PIGB: variants seen among roughly 807,000 people sequenced by gnomAD.
The protein encoded by PIGB is phosphatidylinositol glycan anchor biosynthesis class B.
In PIGB, 58 loss-of-function variants were observed where a neutral mutation model predicts 68.4. The observed-to-expected ratio is 0.85, with a 90% CI of 0.69 to 1.06. The LOEUF (loss-of-function observed/expected upper bound fraction) is 1.06, where lower values mean the gene tolerates loss of function less well. PIGB is among the 50% of genes least tolerant of loss of function. The probability of loss-of-function intolerance (pLI) is 0.00; values close to 1 mark genes in which losing one functional copy is unlikely to be tolerated. For missense variants in PIGB, 634 were observed against 655.8 expected, an observed-to-expected ratio of 0.97 and a Z score of 0.36; for synonymous variants, 219 against 220.5, an observed-to-expected ratio of 0.99 and a Z score of 0.06.
In PIGB at chr15:55,354,963, C is replaced by T; in HGVS notation, c.1503C>T (p.Phe501=). Reference sequence around the variant, plus strand: ...CATTGCCTACTCACTTGATCACCTTCAGCATTTTGGAAGAGGTAAGTAAAC... The same window carrying T: ...CATTGCCTACTCACTTGATCACCTTTAGCATTTTGGAAGAGGTAAGTAAAC... ...DASLPTHLIT[F]SILEEEISAF... is the part of the protein sequence containing the mutation. The change falls in exon 11 of 12, where the codon TTC becomes TTT. Residue 501 remains phenylalanine, a synonymous_variant. Coordinates refer to ENST00000164305, the MANE Select transcript of PIGB (RefSeq NM_004855.5). The T allele has an allele frequency of 3.7e-6, 6 of 1,611,170 alleles. No individual in the cohort carries two copies. The highest frequency in any genetic ancestry group is 5.1e-6 in the Non-Finnish European group (6 of 1,178,656).
rs966940527 is a variant in PIGB, at chr15:55,321,646, C to CTTT, written c.417+278_417+280dup. 9.4e-3 allele frequency among the ~76,000 whole-genome samples: 640 copies of CTTT among 68,182 alleles called. 1 individual carries two copies. The highest frequency in any genetic ancestry group is 0.011 in the African/African-American group (183 of 16,050). 44.7% of individuals were successfully genotyped at this position (68,182 alleles called of 152,430 possible). ...TTGGACATTAGAAGTATACTTCTTT[C>CTTT]TTTTTTTTTTTTTTTTTTTTTTTTG... On this transcript the variant is annotated intron_variant, in intron 3 of 11. Coordinates refer to ENST00000164305, the MANE Select transcript of PIGB (RefSeq NM_004855.5).
At chr15:55,347,915 T>C (rs1263750566) in intron 9 of PIGB, among the ~76,000 whole-genome samples, 6 of 151,972 alleles carry the variant, frequency 3.9e-5, no homozygotes, top group East Asian at 1.9e-4. Context: ...ATTTTCACAG[T>C]CTTGATCACC....
chr15:55,340,508 A>G, intron 7 of PIGB, 104 bp from the exon 8 acceptor site: 1 of 660,256 alleles, frequency 1.5e-6, no homozygotes, highest in South Asian at 2.3e-5. Flanking sequence ...TGGTTTTTAG[A>G]CTTCAATTCT....
chr15:55,322,422 CT>C (rs1306642469), intron 3 of PIGB, among the ~76,000 whole-genome samples: 1 of 152,060 alleles, frequency 6.6e-6, no homozygotes, highest in Non-Finnish European at 1.5e-5. Context: ...CTATTAATTG[CT>C]GGGGTCAGTT....
chr15:55,339,637 G>A (rs1427532334), intron 7 of PIGB, among the ~76,000 whole-genome samples: 3 of 152,146 alleles, frequency 2.0e-5, no homozygotes, highest in Non-Finnish European at 2.9e-5. Context: ...ATCTTCACAG[G>A]TAATATGTCA....
chr15:55,329,180 G>A (rs1335356746), intron 4 of PIGB, among the ~76,000 whole-genome samples: 1 of 151,100 alleles, frequency 6.6e-6, no homozygotes, highest in Non-Finnish European at 1.5e-5. Flanking sequence ...CATTAATTTA[G>A]TCAATCTCCA....
intron 9 of PIGB, chr15:55,343,713 T>C (rs1454064794): frequency 6.6e-6 from 1 of 152,180 alleles, no homozygotes; most frequent in East Asian, 1.9e-4. Context: ...TCACCCCTTC[T>C]TCCATCCTCT....
At chr15:55,335,035 G>C (rs533813032) in intron 6 of PIGB, among the ~76,000 whole-genome samples, 11 of 152,156 alleles carry the variant, frequency 7.2e-5, no homozygotes, top group South Asian at 4.1e-4. Context: ...GCTATAGTTA[G>C]ATACACAGAT....
At chr15:55,341,878 G>A in intron 9 of PIGB, 76 bp downstream of exon 9, 1 of 560,422 alleles carries the variant, frequency 1.8e-6, no homozygotes, top group East Asian at 3.5e-5. Context: ...ATTAAACTAT[G>A]TCTATTTTCA....
chr15:55,331,995 C>T (rs555677968), intron 5 of PIGB, among the ~76,000 whole-genome samples: 87 of 148,300 alleles, frequency 5.9e-4, no homozygotes, highest in African/African-American at 2.0e-3. Context: ...TTTTTTTTTT[C>T]GAGACAGTGT....
At chr15:55,337,678 G>A (rs1379778094) in intron 6 of PIGB, among the ~76,000 whole-genome samples, 1 of 152,008 alleles carries the variant, frequency 6.6e-6, no homozygotes, top group Non-Finnish European at 1.5e-5. Flanking sequence ...TCCAATCCTA[G>A]GTATATGTCT....
At chr15:55,344,276 A>T (rs2055739893) in intron 9 of PIGB, among the ~76,000 whole-genome samples, 1 of 152,226 alleles carries the variant, frequency 6.6e-6, no homozygotes. Context: ...CTGGGCTCTC[A>T]TGTCTGGGGT....
At chr15:55,347,913 A>G (rs2055832235) in intron 9 of PIGB, among the ~76,000 whole-genome samples, 1 of 151,212 alleles carries the variant, frequency 6.6e-6, no homozygotes, top group African/African-American at 2.4e-5. Context: ...CTATTTTCAC[A>G]GTCTTGATCA....
intron 10 of PIGB, among the ~76,000 whole-genome samples, chr15:55,354,323 C>T (rs1357695086): frequency 6.6e-6 from 1 of 151,050 alleles, no homozygotes; most frequent in Non-Finnish European, 1.5e-5. Context: ...AAAAAAAAAA[C>T]TTGCCATATA....
chr15:55,321,879 C>T (rs1356049290), intron 3 of PIGB, among the ~76,000 whole-genome samples: 1 of 146,488 alleles, frequency 6.8e-6, no homozygotes, highest in African/African-American at 2.5e-5. Flanking sequence ...CTCGAACTCC[C>T]GACCTGAGGT....
At position 55,340,736 on chromosome 15, in the gene PIGB, T is replaced by C. The variant is rs73415566; in HGVS notation, c.971T>C (p.Leu324Ser). ...QGFPVILGTHLPFFIHGCYLA... is the reference protein window; with the variant it reads ...QGFPVILGTHSPFFIHGCYLA... The stretch of plus-strand genomic sequence containing the variant: ...TTTCCAGTTATCTTGGGTACTCACT[T>C]ACCCTTCTTTATTCATGGCTGCTAT... Residue 324 changes from leucine to serine, a missense_variant, in exon 8 of 12, where the codon TTA becomes TCA. Transcript: ENST00000164305. 1,047 of 1,611,094 alleles carry C rather than the reference T, an allele frequency of 6.5e-4. 6 individuals carry two copies. The African/African-American group carries it at 0.011, about 17-fold the overall frequency.
intron 9 of PIGB, chr15:55,343,135 C>CAAATATA (rs982247243): frequency 6.6e-6 from 1 of 152,076 alleles, no homozygotes; most frequent in African/African-American, 2.4e-5. Flanking sequence ...GATAAACATA[C>CAAATATA]AAATATAAAA....
intron 3 of PIGB, among the ~76,000 whole-genome samples, chr15:55,322,245 C>A (rs1480769813): frequency 6.6e-6 from 1 of 151,992 alleles, no homozygotes; most frequent in Non-Finnish European, 1.5e-5. Flanking sequence ...GTAAGAAGAC[C>A]GTGTGATATG....
At position 55,342,447 on chromosome 15, in the gene PIGB, G is replaced by A. The variant is rs896970546; in HGVS notation, c.1123+645G>A. 2.0e-5 allele frequency among the ~76,000 whole-genome samples: 3 copies of A among 152,202 alleles called. 1 individual carries two copies. The highest frequency in any genetic ancestry group is 4.4e-5 in the Non-Finnish European group (3 of 68,048). ...ACTCTGCTGCCCAGGCTGGAGTGCA[G>A]TGGCACGATCTTGGCTCACTGCAAC... On this transcript the variant is annotated intron_variant, in intron 9 of 11. Coordinates refer to ENST00000164305, the MANE Select transcript of PIGB (RefSeq NM_004855.5).
Sources: allele counts gnomAD v4.1 joint callset (sites outside exome capture counted in the v4.1 genomes callset), GRCh38; gene constraint gnomAD v4.1.1; transcripts MANE v1.5; gene names NCBI Gene and HGNC (gene_info 2026-07-23, HGNC 2026-07-21).